POLN: variants seen among roughly 807,000 people sequenced by gnomAD.
The protein encoded by POLN is DNA polymerase nu.
A neutral mutation model predicts 113.5 loss-of-function variants in POLN; 108 were observed. The observed-to-expected ratio is 0.95, with a 90% CI of 0.81 to 1.12. The LOEUF (loss-of-function observed/expected upper bound fraction) is 1.12. Ranked by LOEUF, POLN falls within the 50% of genes most tolerant of loss-of-function variation. POLN has a pLI of 0.00. For synonymous variants in POLN, 386 were observed against 391.5 expected (o/e 0.99, Z 0.17); for missense variants, 1,097 against 1,077.1 (o/e 1.02, Z -0.26).
chr4:2,072,006 A>AGC lies in POLN; in HGVS notation c.*106_*107dup. The stretch of plus-strand genomic sequence containing the variant: ...ACTCCAGGGGATGGCGGGCCACCCC[A>AGC]GCCCCAAAGGGTTAATGCGTCCTGG... On this transcript the variant is annotated 3_prime_UTR_variant, in exon 26 of 26. Transcript: ENST00000511885. The AGC allele has an allele frequency of 7.7e-7, 1 of 1,291,644 alleles. No individual in the cohort carries two copies. The highest frequency in any genetic ancestry group is 1.8e-4 in the Middle Eastern group (1 of 5,464). 80.0% of individuals were successfully genotyped at this position (1,291,644 alleles called of 1,614,324 possible).
At chr4:2,173,711 G>A (rs920112124) in intron 11 of POLN, among the ~76,000 whole-genome samples, 7 of 152,110 alleles carry the variant, frequency 4.6e-5, no homozygotes, top group South Asian at 2.1e-4. Flanking sequence ...TAAGAAAAAC[G>A]TAACTTTTGA....
At chr4:2,072,599 T>C (rs1372346824) in intron 25 of POLN, among the ~76,000 whole-genome samples, 1 of 152,054 alleles carries the variant, frequency 6.6e-6, no homozygotes, top group Non-Finnish European at 1.5e-5. Context: ...TGCCCTTGGA[T>C]GGGTGGGTGT....
intron 3 of POLN, among the ~76,000 whole-genome samples, chr4:2,216,479 C>G (rs1475110995): frequency 2.6e-5 from 4 of 152,212 alleles, no homozygotes; most frequent in Admixed American, 2.6e-4. Context: ...CACCTCCAGG[C>G]TGCACACGAG....
chr4:2,080,655 G>A, intron 23 of POLN: 1 of 1,301,266 alleles, frequency 7.7e-7, no homozygotes, highest in Non-Finnish European at 9.9e-7. Flanking sequence ...GCCTGCCTCT[G>A]GGGTGGGCAG....
intron 19 of POLN, among the ~76,000 whole-genome samples, chr4:2,114,145 C>T (rs1212180968): frequency 6.6e-6 from 1 of 151,846 alleles, no homozygotes; most frequent in Non-Finnish European, 1.5e-5. Flanking sequence ...GTGACCCTCC[C>T]ACCTTAGCCT....
intron 6 of POLN, among the ~76,000 whole-genome samples, chr4:2,196,022 C>T (rs554265542): frequency 6.6e-6 from 1 of 152,230 alleles, no homozygotes; most frequent in East Asian, 1.9e-4. Flanking sequence ...CTCTCAGCAC[C>T]ATGAAAACTG....
chr4:2,215,729 G>A (rs1734097914), intron 3 of POLN, among the ~76,000 whole-genome samples: 1 of 152,208 alleles, frequency 6.6e-6, no homozygotes, highest in Non-Finnish European at 1.5e-5. Context: ...ATAGCCACTT[G>A]CTTCAGGGAC....
chr4:2,230,688 C>G (rs1734549549), intron 2 of POLN: 1 of 151,778 alleles, frequency 6.6e-6, no homozygotes, highest in Non-Finnish European at 1.5e-5. Flanking sequence ...TCCATAAAGA[C>G]CACCCAAAAC....
intron 17 of POLN, among the ~76,000 whole-genome samples, chr4:2,129,968 T>C (rs1044273624): frequency 9.2e-5 from 14 of 151,782 alleles, no homozygotes; most frequent in Admixed American, 2.0e-4. Flanking sequence ...GGACTGCTCA[T>C]TGGGGCGGGG....
At chr4:2,115,230 T>TTATTTATTTA (rs1553895293) in intron 19 of POLN, among the ~76,000 whole-genome samples, 14 of 114,358 alleles carry the variant, frequency 1.2e-4, no homozygotes, top group African/African-American at 5.1e-4. Flanking sequence ...ATATATATAT[T>TTATTTATTTA]TTTTTTTTTG....
chr4:2,072,025 G>C lies in POLN; in HGVS notation c.*89C>G, dbSNP rs918776898. 3.4e-6 allele frequency: 5 copies of C among 1,449,942 alleles called. No individual in the cohort carries two copies. In the African/African-American group the frequency reaches 5.6e-5, roughly 16 times the overall value. 89.8% of individuals were successfully genotyped at this position (1,449,942 alleles called of 1,614,324 possible). A position where few individuals can be genotyped will look rare whatever the true frequency, so the allele number is the denominator to read the frequency against. On this transcript the variant is annotated 3_prime_UTR_variant, in exon 26 of 26. Coordinates refer to ENST00000511885, the MANE Select transcript of POLN (RefSeq NM_181808.4). ...CACCCCAGCCCCAAAGGGTTAATGC[G>C]TCCTGGGGCGTACAGAGCTGGTGAC...
Position 2,097,702 on chromosome 4 carries a change from G to C in POLN, c.1983-1769C>G, listed in dbSNP as rs549885527. Among the ~76,000 whole-genome samples the C allele has an allele frequency of 2.0e-5, 3 of 152,246 alleles. No homozygotes were observed. In the East Asian group the frequency reaches 5.8e-4, roughly 29 times the overall value. ...TTTCTTTTTTTAGAGGTAGGGTCTTGCTTGTTCCCCAGACTGGTCTTGAAC... is the reference window on the plus strand; with the variant it reads ...TTTCTTTTTTTAGAGGTAGGGTCTTCCTTGTTCCCCAGACTGGTCTTGAAC... On this transcript the variant is annotated intron_variant, in intron 19 of 25. Transcript: ENST00000511885.
intron 23 of POLN, chr4:2,079,330 C>G (rs1057508868): frequency 1.3e-6 from 1 of 771,460 alleles, no homozygotes; most frequent in Non-Finnish European, 1.6e-6. Flanking sequence ...TGCTCATATC[C>G]TGGGAGAAGC....
chr4:2,167,033 A>C (rs1261120420), intron 13 of POLN, among the ~76,000 whole-genome samples: 1 of 152,206 alleles, frequency 6.6e-6, no homozygotes, highest in Non-Finnish European at 1.5e-5. Context: ...CATGATGATA[A>C]AGACCTTTTC....
At chr4:2,118,128 G>C (rs1437708173) in intron 19 of POLN, among the ~76,000 whole-genome samples, 3 of 152,178 alleles carry the variant, frequency 2.0e-5, no homozygotes, top group African/African-American at 7.2e-5. Flanking sequence ...GGTACCTTGA[G>C]TTTATCAGGA....
intron 10 of POLN, among the ~76,000 whole-genome samples, chr4:2,174,477 T>C (rs1454911725): frequency 1.3e-5 from 2 of 152,210 alleles, no homozygotes; most frequent in Non-Finnish European, 2.9e-5. Flanking sequence ...GGATCCCATA[T>C]GACCAAGATG....
chr4:2,151,670 G>A (rs527964702), intron 16 of POLN, among the ~76,000 whole-genome samples: 2 of 152,328 alleles, frequency 1.3e-5, no homozygotes, highest in Non-Finnish European at 2.9e-5. Flanking sequence ...ACAGAGCAAC[G>A]TAGCTGAAGC....
At chr4:2,199,475 G>A (rs1413008778) in intron 5 of POLN, among the ~76,000 whole-genome samples, 1 of 152,100 alleles carries the variant, frequency 6.6e-6, no homozygotes, top group Non-Finnish European at 1.5e-5. Flanking sequence ...AAAAGGGGGT[G>A]GGTGGCGAGA....
Position 2,128,141 on chromosome 4 carries a change from C to T in POLN, c.1954G>A (p.Asp652Asn). 2 of 1,607,356 alleles carry T rather than the reference C, an allele frequency of 1.2e-6. No homozygotes were observed. The highest frequency in any genetic ancestry group is 1.7e-6 in the Non-Finnish European group (2 of 1,174,008). The change falls in exon 19 of 26, where the codon GAT becomes AAT. Residue 652 changes from aspartate (D) to asparagine (N), a missense_variant. Physicochemically the swap from Asp to Asn is conservative, Grantham distance 23 (BLOSUM62 1). Coordinates refer to ENST00000511885, the MANE Select transcript of POLN (RefSeq NM_181808.4). Reference protein sequence around the residue: ...LKLFQESERDDVFSTLTSQWK... With the variant: ...LKLFQESERDNVFSTLTSQWK... ...TGTGAAGTCAGAGTAGAAAATACATCATCTCTTTCAGATTCCTGGAATAAC... is the reference window on the plus strand; with the variant it reads ...TGTGAAGTCAGAGTAGAAAATACATTATCTCTTTCAGATTCCTGGAATAAC...
Sources: gnomAD v4.1 joint callset for allele counts (sites outside exome capture counted in the v4.1 genomes callset) on GRCh38, gnomAD v4.1.1 for gene constraint, MANE v1.5 for transcripts, NCBI Gene and HGNC (gene_info 2026-07-23, HGNC 2026-07-21) for gene names.